The following HK1 variants were observed in gnomAD, a reference collection of about 807,000 sequenced individuals.
The protein encoded by HK1 is hexokinase 1.
Under a neutral mutation model 91.6 loss-of-function variants are expected in HK1, and 28 were observed. The ratio of observed to expected loss-of-function variants is 0.31; its 90% CI spans 0.23 to 0.42. HK1 has a LOEUF of 0.42. Ranked by LOEUF, HK1 falls within the 10% of genes least tolerant of loss-of-function variation. HK1 has a pLI of 1.00. For missense variants in HK1, 770 were observed against 1,219.8 expected (o/e 0.63, Z 5.49); for synonymous variants, 430 against 468.1 (o/e 0.92, Z 1.05).
intron 1 of HK1, among the ~76,000 whole-genome samples, chr10:69,330,019 C>T: frequency 6.6e-6 from 1 of 152,128 alleles, no homozygotes; most frequent in East Asian, 1.9e-4. Flanking sequence ...AAGAGGACCC[C>T]CCAGGAGGGC....
intron 2 of HK1, among the ~76,000 whole-genome samples, chr10:69,347,583 G>A (rs1366543664): frequency 1.3e-5 from 2 of 151,620 alleles, no homozygotes; most frequent in Non-Finnish European, 2.9e-5. Context: ...TTACAAGTGC[G>A]CACCACCACG....
intron 4 of HK1, chr10:69,300,680 A>T: frequency 2.4e-6 from 2 of 829,270 alleles, no homozygotes; most frequent in Admixed American, 3.8e-5. Context: ...CAAATTCGCC[A>T]ATATAACCAT....
intron 1 of HK1, among the ~76,000 whole-genome samples, chr10:69,323,991 A>G (rs1224932758): frequency 6.6e-6 from 1 of 152,208 alleles, no homozygotes; most frequent in Non-Finnish European, 1.5e-5. Context: ...ATACCTCTGC[A>G]TCCAGGAATC....
chr10:69,371,178 C>T (rs917332356), intron 7 of HK1, among the ~76,000 whole-genome samples: 1 of 152,102 alleles, frequency 6.6e-6, no homozygotes, highest in East Asian at 1.9e-4. Flanking sequence ...AGTGAATAAA[C>T]TAGGTTTCTC....
At chr10:69,287,801 C>T (rs1006055059) in intron 2 of HK1, among the ~76,000 whole-genome samples, 8 of 151,894 alleles carry the variant, frequency 5.3e-5, no homozygotes, top group African/African-American at 1.9e-4. Flanking sequence ...ATAATGTGTA[C>T]ATTATAAAGA....
Position 69,300,505 on chromosome 10 carries a change from A to C in HK1, c.-66-264A>C, listed in dbSNP as rs1008492319. ...TTTATGGTCCATGATGCCAGCTGAG[A>C]CTGTCAGTACAATGAAATCAAACTG... On this transcript the variant is annotated intron_variant, in intron 4 of 21. Coordinates refer to the HK1 transcript ENST00000360289. 9.0e-5 allele frequency: 70 copies of C among 776,930 alleles called. No homozygotes were observed. The Admixed American group carries it at 1.1e-3, about 12-fold the overall frequency. The allele number at this position is 776,930 out of a possible 1,614,324, so 48.1% of individuals were successfully genotyped here. A position where few individuals can be genotyped will look rare whatever the true frequency, so the allele number is the denominator to read the frequency against.
chr10:69,343,568 C>G lies in HK1; in HGVS notation c.64-259C>G, dbSNP rs143269098. 4.3e-4 allele frequency among the ~76,000 whole-genome samples: 65 copies of G among 152,300 alleles called. No individual in the cohort carries two copies. The East Asian group carries it at 0.012, about 29-fold the overall frequency. On this transcript the variant is annotated intron_variant, in intron 1 of 17. Coordinates refer to ENST00000359426, the MANE Select transcript of HK1 (RefSeq NM_000188.3). ...CAAGTACTTGGGGGTTGAAGAGCAG[C>G]TTCCATGTCATATTTGAGGGTTGGA...
chr10:69,369,267 A>C lies in HK1; in HGVS notation c.622A>C (p.Asn208His), dbSNP rs772739157. 1.2e-6 allele frequency: 2 copies of C among 1,614,208 alleles called. No individual in the cohort carries two copies. Among genetic ancestry groups the C allele is most frequent in the Non-Finnish European group, 1.7e-6 (2 of 1,180,004 alleles). ...DYDANIVAVV[N>H]DTVGTMMTCG... ...TGATGCCAACATCGTAGCTGTGGTG[A>C]ATGACACAGTGGGCACCATGATGAC... The change falls in exon 6 of 18, where the codon AAT becomes CAT. Residue 208 changes from asparagine to histidine, a missense_variant. By Grantham distance (68) the Asn-to-His change is moderately conservative. Coordinates refer to ENST00000359426, the MANE Select transcript of HK1 (RefSeq NM_000188.3). The surrounding 1 kb of genome is among the most constrained non-coding windows in gnomAD (Gnocchi z 4.4).
At chr10:69,307,586 A>G (rs1477086301) in intron 5 of HK1, among the ~76,000 whole-genome samples, 1 of 152,194 alleles carries the variant, frequency 6.6e-6, no homozygotes, top group Non-Finnish European at 1.5e-5. Context: ...CAGCTTTTCC[A>G]TTCAGTTGCT....
chr10:69,276,101 A>T (rs1274329124), intron 1 of HK1, among the ~76,000 whole-genome samples: 1 of 50,550 alleles, frequency 2.0e-5, no homozygotes, highest in East Asian at 8.0e-4. Context: ...AAAAAAAAAA[A>T]AAAAAAAAAA....
rs945569164 is a variant in HK1, at chr10:69,290,448, G to A, written c.-115+1678G>A. Among the ~76,000 whole-genome samples, 7 of 152,152 alleles carry A rather than the reference G, an allele frequency of 4.6e-5. No homozygotes were observed. The East Asian group carries it at 1.3e-3, about 29-fold the overall frequency. On this transcript the variant is annotated intron_variant, in intron 3 of 21. Coordinates refer to the HK1 transcript ENST00000360289. Reference sequence around the variant, plus strand: ...GCTTCTTTGAGAAGGGCTTTGCAAAGTCCAGCTCAGGTGCATCCCTCCTGC... The same window carrying A: ...GCTTCTTTGAGAAGGGCTTTGCAAAATCCAGCTCAGGTGCATCCCTCCTGC...
intron 5 of HK1, among the ~76,000 whole-genome samples, chr10:69,306,547 G>A (rs1487989051): frequency 6.6e-6 from 1 of 152,138 alleles, no homozygotes; most frequent in Non-Finnish European, 1.5e-5. Context: ...TGTGAAATGA[G>A]GAGGGTGGAG....
intron 5 of HK1, 123 bp downstream of exon 5, chr10:69,368,754 G>T (rs1849835422): frequency 1.6e-5 from 12 of 753,272 alleles, no homozygotes; most frequent in Middle Eastern, 3.5e-4. Flanking sequence ...CCCAGGCAGG[G>T]GAGAGTTGAG....
intron 7 of HK1, among the ~76,000 whole-genome samples, chr10:69,372,914 G>A (rs565471994): frequency 6.6e-6 from 1 of 152,134 alleles, no homozygotes; most frequent in East Asian, 1.9e-4. Flanking sequence ...TGTCACCCAG[G>A]CTGGAGTGCA....
upstream of HK1, chr10:69,315,991 G>T (rs201670785): frequency 6.2e-7 from 1 of 1,614,212 alleles, no homozygotes; most frequent in East Asian, 2.2e-5. Flanking sequence ...GCCCTGTCGA[G>T]GTGCTGAGGC....
At chr10:69,334,603 C>T (rs749364266) in intron 1 of HK1, among the ~76,000 whole-genome samples, 1 of 152,100 alleles carries the variant, frequency 6.6e-6, no homozygotes, top group Non-Finnish European at 1.5e-5. Flanking sequence ...TGAGACCTCC[C>T]TAGGCTAGTC....
chr10:69,390,777 C>G (rs1310325593), intron 14 of HK1, among the ~76,000 whole-genome samples: 1 of 152,222 alleles, frequency 6.6e-6, no homozygotes, highest in African/African-American at 2.4e-5. Context: ...GATGCAGGCT[C>G]TCAGGTCCTG....
chr10:69,358,987 G>A (rs998168976), intron 2 of HK1, among the ~76,000 whole-genome samples: 1 of 151,980 alleles, frequency 6.6e-6, no homozygotes, highest in African/African-American at 2.4e-5. Flanking sequence ...GCTTGAGACT[G>A]CAGTGAGCTT....
At chr10:69,315,702 T>C (rs769631354), upstream of HK1, 6 of 555,440 alleles carry the variant, frequency 1.1e-5, no homozygotes, top group African/African-American at 3.7e-5. Context: ...AGCTGTCTGA[T>C]TGGGGCAGAT....
Sources: gnomAD v4.1 joint callset for allele counts (sites outside exome capture counted in the v4.1 genomes callset) on GRCh38, gnomAD v4.1.1 for gene constraint, Gnocchi (gnomAD v3.1) non-coding constraint, MANE v1.5 for transcripts, NCBI Gene and HGNC (gene_info 2026-07-23, HGNC 2026-07-21) for gene names.